Variants in MMP16 observed in about 807,000 individuals in gnomAD.
The protein encoded by MMP16 is matrix metalloproteinase-16.
MMP16 carries 12 observed loss-of-function variants against 67.8 expected under a neutral mutation model. The ratio of observed to expected loss-of-function variants is 0.18; its 90% CI spans 0.11 to 0.29. MMP16 has a LOEUF of 0.29. Among genes scored for constraint, MMP16 ranks in the 10% least tolerant of loss-of-function variants. MMP16 has a pLI of 1.00. For synonymous variants in MMP16, 249 were observed against 255.9 expected (o/e 0.97, Z 0.26); for missense variants, 475 against 765.7 (o/e 0.62, Z 4.48).
At chr8:88,309,105 T>C (rs941454908) in intron 1 of MMP16, among the ~76,000 whole-genome samples, 3 of 152,052 alleles carry the variant, frequency 2.0e-5, no homozygotes, top group African/African-American at 7.2e-5. Context: ...CAATTATAAA[T>C]AAATATAGCC....
chr8:88,211,724 T>C (rs1809515696), intron 1 of MMP16, among the ~76,000 whole-genome samples: 1 of 152,188 alleles, frequency 6.6e-6, no homozygotes, highest in Non-Finnish European at 1.5e-5. Context: ...GCCTAATTCA[T>C]TTCCGTGGCT....
At chr8:88,185,903 C>G (rs961191160) in intron 3 of MMP16, among the ~76,000 whole-genome samples, 4 of 152,128 alleles carry the variant, frequency 2.6e-5, no homozygotes, top group Admixed American at 2.6e-4. Flanking sequence ...TGCTACATCT[C>G]CAGGCCTTGG....
chr8:88,056,219 T>A lies in MMP16; in HGVS notation c.1282A>T (p.Ile428Leu), dbSNP rs1418804853. Residue 428 changes from isoleucine (I) to leucine (L), a missense_variant, in exon 8 of 10, where the codon ATA (isoleucine) becomes TTA (leucine). By Grantham distance (5) the Ile-to-Leu change is conservative (BLOSUM62 2). Around this residue, in one of 5 missense-constraint regions of MMP16, gnomAD observed 195 missense variants for 300.9 expected, o/e 0.65. Transcript: ENST00000286614. Reference sequence around the variant, plus strand: ...GGGGGAATTCCACTTCCAAGGGTTATCAAGTCATGAGGGTAACCAGGTTGA... The same window carrying A: ...GGGGGAATTCCACTTCCAAGGGTTAACAAGTCATGAGGGTAACCAGGTTGA... ...TLQPGYPHDL[I>L]TLGSGIPPHG... 34 of 1,602,292 alleles carry A rather than the reference T, an allele frequency of 2.1e-5. No homozygotes were observed. Among genetic ancestry groups the A allele is most frequent in the Non-Finnish European group, 2.9e-5 (34 of 1,173,090 alleles).
At chr8:88,110,286 A>G (rs187051795) in intron 6 of MMP16, among the ~76,000 whole-genome samples, 1 of 151,636 alleles carries the variant, frequency 6.6e-6, no homozygotes, top group East Asian at 1.9e-4. Flanking sequence ...TGTCAATTAA[A>G]ACATTTAAAG....
chr8:88,118,320 A>C (rs1014162906), intron 5 of MMP16, among the ~76,000 whole-genome samples: 41 of 152,184 alleles, frequency 2.7e-4, no homozygotes, highest in African/African-American at 9.9e-4. Flanking sequence ...GTTTGTAGAA[A>C]AGTCTCAGCA....
At chr8:88,282,500 G>A (rs768709138) in intron 1 of MMP16, among the ~76,000 whole-genome samples, 2 of 152,196 alleles carry the variant, frequency 1.3e-5, no homozygotes, top group Non-Finnish European at 2.9e-5. Context: ...AACAAATAAT[G>A]TTGAGTATGC....
intron 1 of MMP16, among the ~76,000 whole-genome samples, chr8:88,305,105 A>G (rs1811193286): frequency 6.6e-6 from 1 of 152,228 alleles, no homozygotes. Context: ...AGGAAAATTT[A>G]CCAAACAAAT....
chr8:88,166,579 T>A (rs1410859313), intron 4 of MMP16, among the ~76,000 whole-genome samples: 3 of 150,206 alleles, frequency 2.0e-5, no homozygotes, highest in Non-Finnish European at 4.4e-5. Context: ...CAAAAAATGA[T>A]CTTTGGTAAA....
In MMP16 at chr8:88,159,129, G is replaced by C. The variant is rs1046485194; in HGVS notation, c.709+8540C>G. ...CCTCCAGCTTTGTTCTTTTGGCTTA[G>C]GATTGTCTTGGCAATGTGGGCTCTC... On this transcript the variant is annotated intron_variant, in intron 4 of 9. Transcript: ENST00000286614. Among the ~76,000 whole-genome samples, 16 of 152,274 alleles carry C rather than the reference G, an allele frequency of 1.1e-4. No individual in the cohort carries two copies. In the East Asian group the frequency reaches 3.1e-3, roughly 29 times the overall value.
chr8:88,148,996 G>A (rs1808345567), intron 4 of MMP16, among the ~76,000 whole-genome samples: 1 of 152,330 alleles, frequency 6.6e-6, no homozygotes, highest in Non-Finnish European at 1.5e-5. Flanking sequence ...GCAGGCCAGT[G>A]GGTGCGCGCA....
At chr8:88,128,173 A>G (rs530185227) in intron 4 of MMP16, among the ~76,000 whole-genome samples, 1 of 151,984 alleles carries the variant, frequency 6.6e-6, no homozygotes, top group South Asian at 2.1e-4. Flanking sequence ...AAGCCAGTAC[A>G]TGCTTGCACA....
intron 4 of MMP16, among the ~76,000 whole-genome samples, chr8:88,127,630 T>G (rs895385047): frequency 1.3e-5 from 2 of 151,782 alleles, no homozygotes; most frequent in African/African-American, 4.8e-5. Flanking sequence ...AAACTTAACA[T>G]GGATTTTGAT....
At chr8:88,289,675 C>A (rs370226272) in intron 1 of MMP16, among the ~76,000 whole-genome samples, 1 of 139,086 alleles carries the variant, frequency 7.2e-6, no homozygotes, top group Non-Finnish European at 1.5e-5. Context: ...TACTGAACTG[C>A]TACTCCTAGA....
At chr8:88,178,929 G>A (rs999896203) in intron 3 of MMP16, among the ~76,000 whole-genome samples, 2 of 151,770 alleles carry the variant, frequency 1.3e-5, no homozygotes, top group Non-Finnish European at 2.9e-5. Flanking sequence ...TGGGTTTTTA[G>A]TAAATGCATT....
chr8:88,195,545 C>T (rs576326780), intron 2 of MMP16, among the ~76,000 whole-genome samples: 16 of 152,106 alleles, frequency 1.1e-4, no homozygotes, highest in Admixed American at 8.5e-4. Flanking sequence ...TGGTACTATA[C>T]GTGGCAGCAA....
intron 3 of MMP16, among the ~76,000 whole-genome samples, chr8:88,177,842 T>C (rs1004369606): frequency 1.3e-5 from 2 of 152,036 alleles, no homozygotes; most frequent in African/African-American, 2.4e-5. Flanking sequence ...AATCACAGGA[T>C]TGCAGATGCT....
At chr8:88,044,091 TTA>T (rs1232726215) in intron 9 of MMP16, among the ~76,000 whole-genome samples, 1 of 152,228 alleles carries the variant, frequency 6.6e-6, no homozygotes, top group Non-Finnish European at 1.5e-5. Context: ...AGGGCACATT[TTA>T]TAGTAACACA....
intron 6 of MMP16, among the ~76,000 whole-genome samples, chr8:88,107,050 A>G (rs1315920120): frequency 2.6e-5 from 4 of 151,180 alleles, no homozygotes; most frequent in African/African-American, 7.3e-5. Flanking sequence ...ATGGTTTAAT[A>G]TTTCCATTTA....
chr8:88,209,498 T>C (rs1809480509), intron 1 of MMP16, among the ~76,000 whole-genome samples: 1 of 152,162 alleles, frequency 6.6e-6, no homozygotes. Flanking sequence ...CAGGAGGCTA[T>C]TGGTAGTTAG....
Sources: gnomAD v4.1 joint callset for allele counts (sites outside exome capture counted in the v4.1 genomes callset) on GRCh38, gnomAD v4.1.1 for gene constraint, gnomAD v4.1.1 regional missense constraint, MANE v1.5 for transcripts, NCBI Gene and HGNC (gene_info 2026-07-23, HGNC 2026-07-21) for gene names.